The following CRACR2A variants were observed in gnomAD, a reference collection of about 807,000 sequenced individuals.
CRACR2A encodes calcium release activated channel regulator 2A, also known as EF-hand calcium-binding domain-containing protein 4B.
Under a neutral mutation model 90.5 loss-of-function variants are expected in CRACR2A, and 79 were observed. The observed-to-expected ratio is 0.87, with a 90% confidence interval of 0.73 to 1.05. The LOEUF (loss-of-function observed/expected upper bound fraction) is 1.05. Ranked by LOEUF, CRACR2A falls within the 50% of genes least tolerant of loss-of-function variation. The probability of loss-of-function intolerance (pLI) is 0.00; values close to 1 mark genes in which losing one functional copy is unlikely to be tolerated. For missense variants in CRACR2A, 823 were observed against 897.2 expected (o/e 0.92, Z 1.06); for synonymous variants, 338 against 356.7 (o/e 0.95, Z 0.59).
At chr12:3,658,715 T>C (rs1277026075) in intron 8 of CRACR2A, among the ~76,000 whole-genome samples, 1 of 152,156 alleles carries the variant, frequency 6.6e-6, no homozygotes, top group Non-Finnish European at 1.5e-5. Flanking sequence ...TAGCCGGGCT[T>C]AGTGCTGAGC....
intron 6 of CRACR2A, among the ~76,000 whole-genome samples, chr12:3,675,819 G>A (rs1325255465): frequency 6.6e-6 from 1 of 152,096 alleles, no homozygotes; most frequent in Non-Finnish European, 1.5e-5. Flanking sequence ...GGAACCCTCA[G>A]GAGAAGGAAT....
At position 3,673,486 on chromosome 12, in the gene CRACR2A, C is replaced by T. The variant is rs747013591; in HGVS notation, c.631G>A (p.Ala211Thr). 59 of 1,614,028 alleles carry T rather than the reference C, an allele frequency of 3.7e-5. 1 individual carries two copies. In the East Asian group the frequency reaches 9.8e-4, roughly 27 times the overall value. The change falls in exon 7 of 20, where the codon GCC becomes ACC. Residue 211 changes from alanine to threonine, a missense_variant. Coordinates refer to ENST00000440314, the MANE Select transcript of CRACR2A (RefSeq NM_001144958.2). ...TCCAGTTCATTCTTCTCCTCATGGG[C>T]TTCTTGGAGCTGGGAGATGATTCTG... ...LTRIISQLQE[A>T]HEEKNELECA...
At chr12:3,666,445 T>C (rs1403666949) in intron 7 of CRACR2A, among the ~76,000 whole-genome samples, 1 of 151,660 alleles carries the variant, frequency 6.6e-6, no homozygotes, top group African/African-American at 2.4e-5. Context: ...GGGAGGCAGA[T>C]GGGATATGAA....
At position 3,643,448 on chromosome 12, in the gene CRACR2A, C is replaced by T. The variant is rs527553572; in HGVS notation, c.1164+1147G>A. On this transcript the variant is annotated intron_variant, in intron 12 of 19. Transcript: ENST00000440314. ...ACTTTCCTCGCGTGACAGCGGAGGTCATGGTCCAAGGCAGTAAATGACTTG... is the reference window on the plus strand; with the variant it reads ...ACTTTCCTCGCGTGACAGCGGAGGTTATGGTCCAAGGCAGTAAATGACTTG... Among the ~76,000 whole-genome samples the T allele has an allele frequency of 2.0e-4, 30 of 152,182 alleles. No individual in the cohort carries two copies. The South Asian group carries it at 3.1e-3, about 16-fold the overall frequency.
At chr12:3,669,809 C>T (rs376476646) in intron 7 of CRACR2A, among the ~76,000 whole-genome samples, 57 of 152,268 alleles carry the variant, frequency 3.7e-4, no homozygotes, top group African/African-American at 9.9e-4. Context: ...AGCCACCGTG[C>T]GACCTGGGGG....
intron 7 of CRACR2A, among the ~76,000 whole-genome samples, chr12:3,664,256 A>G (rs1945088508): frequency 6.6e-6 from 1 of 152,262 alleles, no homozygotes; most frequent in African/African-American, 2.4e-5. Context: ...AGCCACAAAC[A>G]TGATCAATTT....
At chr12:3,734,857 G>T (rs1257772706) in intron 1 of CRACR2A, among the ~76,000 whole-genome samples, 1 of 152,022 alleles carries the variant, frequency 6.6e-6, no homozygotes, top group Non-Finnish European at 1.5e-5. Context: ...GGTTGCAAGG[G>T]GCTGTAGGTG....
intron 9 of CRACR2A, among the ~76,000 whole-genome samples, chr12:3,655,937 TC>T (rs1565476815): frequency 6.6e-6 from 1 of 152,138 alleles, no homozygotes; most frequent in East Asian, 1.9e-4. Context: ...ATCTGCAGCC[TC>T]CCCCCAGATA....
At chr12:3,684,440 G>T (rs1181938484) in intron 4 of CRACR2A, among the ~76,000 whole-genome samples, 1 of 152,184 alleles carries the variant, frequency 6.6e-6, no homozygotes, top group Non-Finnish European at 1.5e-5. Flanking sequence ...GGTTAAGGGG[G>T]TAGTGGAGGG....
At chr12:3,697,825 G>A (rs774533821) in intron 3 of CRACR2A, among the ~76,000 whole-genome samples, 1 of 152,210 alleles carries the variant, frequency 6.6e-6, no homozygotes, top group Non-Finnish European at 1.5e-5. Context: ...TGACACCCAA[G>A]GCTGTTTTCA....
At chr12:3,627,747 G>T in intron 15 of CRACR2A, 41 bp from the exon 16 acceptor site, 1 of 1,529,096 alleles carries the variant, frequency 6.5e-7, no homozygotes, top group Non-Finnish European at 8.9e-7. Context: ...CCCTGGGCCA[G>T]GGGCACCTCA....
At chr12:3,653,225 C>G (rs1481392603) in intron 10 of CRACR2A, among the ~76,000 whole-genome samples, 1 of 149,206 alleles carries the variant, frequency 6.7e-6, no homozygotes, top group Non-Finnish European at 1.5e-5. Flanking sequence ...TTGTAATCTG[C>G]CCACCTTGGC....
chr12:3,740,093 C>T lies in CRACR2A; in HGVS notation c.-386-6883G>A, dbSNP rs151253357. On this transcript the variant is annotated intron_variant, in intron 1 of 19. Transcript: ENST00000440314. ...TGCAAAACGACATATCCTGCTCATC[C>T]TCTTTCCTCACATCCTTGCCCAGGG... Among the ~76,000 whole-genome samples, 123 of 152,164 alleles carry T rather than the reference C, an allele frequency of 8.1e-4. 1 individual carries two copies. The highest frequency in any genetic ancestry group is 2.6e-3 in the African/African-American group (107 of 41,500).
chr12:3,713,621 C>G (rs75605900), intron 2 of CRACR2A, among the ~76,000 whole-genome samples: 1,863 of 152,262 alleles, frequency 0.012, 44 homozygotes, highest in African/African-American at 0.042. Context: ...ACACTGCCCC[C>G]CTGCCCCCAG....
At position 3,631,648 on chromosome 12, in the gene CRACR2A, T is replaced by G. The variant is rs182781967; in HGVS notation, c.1735+1956A>C. Among the ~76,000 whole-genome samples, 47 of 152,314 alleles carry G rather than the reference T, an allele frequency of 3.1e-4. 2 individuals carry two copies. The highest frequency in any genetic ancestry group is 1.1e-3 in the African/African-American group (44 of 41,572). ...CTTCCCATCTGGGTCCCAATTTTTG[T>G]CTTGGGATGCTCTCAGTCTCTGGGT... On this transcript the variant is annotated intron_variant, in intron 15 of 19. Transcript: ENST00000440314.
intron 3 of CRACR2A, among the ~76,000 whole-genome samples, chr12:3,704,501 CACACATAT>C (rs1306354925): frequency 1.3e-5 from 2 of 152,244 alleles, no homozygotes; most frequent in East Asian, 3.9e-4. Flanking sequence ...TTCATACACA[CACACATAT>C]ACACATATAC....
Position 3,654,401 on chromosome 12 carries a change from T to C in CRACR2A, c.859-2A>G, listed in dbSNP as rs139890090. 7 of 1,580,296 alleles carry C rather than the reference T, an allele frequency of 4.4e-6. No homozygotes were observed. Among genetic ancestry groups the C allele is most frequent in the Non-Finnish European group, 6.0e-6 (7 of 1,165,122 alleles). ...CAGGGCTGTGCACTGACCTTCCAGC[T>C]GCAAAGGAATGGGGAGCAGAGGGGA... On this transcript the variant is annotated splice_acceptor_variant, in intron 9 of 19. Coordinates refer to ENST00000440314, the MANE Select transcript of CRACR2A (RefSeq NM_001144958.2). LOFTEE classifies it high-confidence loss of function.
At chr12:3,699,668 C>T (rs1276822523) in intron 3 of CRACR2A, among the ~76,000 whole-genome samples, 1 of 152,196 alleles carries the variant, frequency 6.6e-6, no homozygotes, top group African/African-American at 2.4e-5. Flanking sequence ...CACCTGGTAA[C>T]AACAGGTGAT....
intron 3 of CRACR2A, among the ~76,000 whole-genome samples, chr12:3,697,692 C>T (rs946520809): frequency 6.6e-6 from 1 of 152,214 alleles, no homozygotes; most frequent in Non-Finnish European, 1.5e-5. Flanking sequence ...TCTTGGTGAG[C>T]TCTTGCCCAA....
Sources: gnomAD v4.1 joint callset for allele counts (sites outside exome capture counted in the v4.1 genomes callset) on GRCh38, gnomAD v4.1.1 for gene constraint, MANE v1.5 for transcripts, NCBI Gene and HGNC (gene_info 2026-07-23, HGNC 2026-07-21) for gene names.